Variants in SMAP1 observed in about 807,000 individuals in gnomAD.
The protein encoded by SMAP1 is stromal membrane-associated protein 1.
In SMAP1, 24 loss-of-function variants were observed where a neutral mutation model predicts 58.5. The ratio of observed to expected loss-of-function variants is 0.41; its 90% CI spans 0.30 to 0.58. The LOEUF (loss-of-function observed/expected upper bound fraction) is 0.58. SMAP1 is among the 20% of genes least tolerant of loss of function. The pLI is 0.29. For synonymous variants in SMAP1, 216 were observed against 196.6 expected (o/e 1.10, Z -0.82); for missense variants, 563 against 566.3 (o/e 0.99, Z 0.06).
At chr6:70,712,219 T>C (rs1245137164) in intron 1 of SMAP1, among the ~76,000 whole-genome samples, 1 of 152,216 alleles carries the variant, frequency 6.6e-6, no homozygotes, top group Non-Finnish European at 1.5e-5. Context: ...ATTCTGTTAA[T>C]GAGGGGTAAT....
At chr6:70,804,822 A>G (rs893392043) in intron 6 of SMAP1, among the ~76,000 whole-genome samples, 55 of 151,188 alleles carry the variant, frequency 3.6e-4, no homozygotes, top group East Asian at 1.9e-4. Context: ...TTGTATATTG[A>G]CCCCCACTCT....
In SMAP1 at chr6:70,836,154, G is replaced by A. The variant is rs533972473; in HGVS notation, c.577-787G>A. 1.2e-3 allele frequency among the ~76,000 whole-genome samples: 186 copies of A among 152,166 alleles called. 1 individual carries two copies. Among genetic ancestry groups the A allele is most frequent in the Non-Finnish European group, 2.2e-3 (147 of 68,010 alleles). On this transcript the variant is annotated intron_variant, in intron 6 of 10. Transcript: ENST00000370455. ...GGATGTATTAGTCCGTTTTCATGCCGCGGATAAAGACATACCCGAGACTGG... is the reference window on the plus strand; with the variant it reads ...GGATGTATTAGTCCGTTTTCATGCCACGGATAAAGACATACCCGAGACTGG...
In SMAP1 at chr6:70,668,032, G is replaced by A. The variant is rs1043606447; in HGVS notation, c.9G>A (p.Thr3=). 1 of 1,596,634 alleles carries A rather than the reference G, an allele frequency of 6.3e-7. No homozygotes were observed. Among genetic ancestry groups the A allele is most frequent in the Admixed American group, 1.7e-5 (1 of 58,384 alleles). Residue 3 remains threonine (T), a synonymous_variant, in exon 1 of 11, where the codon ACG becomes ACA. Transcript: ENST00000370455. Reference sequence around the variant, plus strand: ...CCCGCCCCGCTGCCGAGATGGCGACGCGCTCCTGTCGGGAGAAGGCTCAGA... The same window carrying A: ...CCCGCCCCGCTGCCGAGATGGCGACACGCTCCTGTCGGGAGAAGGCTCAGA... MA[T]RSCREKAQKL... is the part of the protein sequence containing the mutation.
At chr6:70,702,588 C>T (rs974530558) in intron 1 of SMAP1, among the ~76,000 whole-genome samples, 8 of 151,754 alleles carry the variant, frequency 5.3e-5, no homozygotes, top group African/African-American at 1.9e-4. Flanking sequence ...CACTCCATGC[C>T]TCATGCCTCT....
At chr6:70,817,136 ATAT>A (rs1452228703) in intron 6 of SMAP1, among the ~76,000 whole-genome samples, 2 of 143,412 alleles carry the variant, frequency 1.4e-5, no homozygotes, top group African/African-American at 5.5e-5. Context: ...ATATATATAT[ATAT>A]TTTTTTTTTG....
At chr6:70,848,268 C>G (rs1771063601) in intron 7 of SMAP1, among the ~76,000 whole-genome samples, 1 of 152,098 alleles carries the variant, frequency 6.6e-6, no homozygotes, top group Non-Finnish European at 1.5e-5. Context: ...GAATCCCTCC[C>G]TAAAAACTGA....
At chr6:70,805,156 T>C (rs1769063663) in intron 6 of SMAP1, among the ~76,000 whole-genome samples, 2 of 152,172 alleles carry the variant, frequency 1.3e-5, no homozygotes, top group South Asian at 4.1e-4. Context: ...GTAGATTTGG[T>C]CTTTTCATAT....
chr6:70,791,412 T>G (rs185049212), intron 4 of SMAP1, among the ~76,000 whole-genome samples: 1 of 152,316 alleles, frequency 6.6e-6, no homozygotes, highest in East Asian at 1.9e-4. Flanking sequence ...CCATATACTT[T>G]TGGTATGATC....
chr6:70,789,630 T>C (rs1768253747), intron 4 of SMAP1, among the ~76,000 whole-genome samples: 5 of 147,220 alleles, frequency 3.4e-5, no homozygotes. Context: ...GATGTGCATC[T>C]GTTATCCCAG....
intron 1 of SMAP1, among the ~76,000 whole-genome samples, chr6:70,708,633 C>T (rs1027798911): frequency 1.4e-4 from 21 of 152,116 alleles, no homozygotes; most frequent in African/African-American, 5.1e-4. Flanking sequence ...CTTGTTATCT[C>T]TTGTCTTCTT....
rs1766288236 is a variant in SMAP1, at chr6:70,751,751, A to C, written c.253-3229A>C. 2.0e-5 allele frequency among the ~76,000 whole-genome samples: 3 copies of C among 152,326 alleles called. No individual in the cohort carries two copies. The South Asian group carries it at 6.2e-4, about 32-fold the overall frequency. On this transcript the variant is annotated intron_variant, in intron 2 of 10. Coordinates refer to ENST00000370455, the MANE Select transcript of SMAP1 (RefSeq NM_001044305.3). The stretch of plus-strand genomic sequence containing the variant: ...ATTTAAGTGTTTCAAAATGATGCTA[A>C]GTACTAAGTATTAAAATAGTACTTA...
At chr6:70,825,523 C>A (rs1467223062) in intron 6 of SMAP1, among the ~76,000 whole-genome samples, 2 of 152,032 alleles carry the variant, frequency 1.3e-5, no homozygotes, top group African/African-American at 4.8e-5. Context: ...TATAGCCACT[C>A]CTGTTGGGTT....
intron 4 of SMAP1, among the ~76,000 whole-genome samples, chr6:70,779,731 G>A (rs1402146608): frequency 2.0e-5 from 3 of 152,072 alleles, no homozygotes; most frequent in Admixed American, 2.0e-4. Flanking sequence ...TATTCAATGT[G>A]TTGAATAGAG....
At chr6:70,818,753 A>G (rs1177877238) in intron 6 of SMAP1, among the ~76,000 whole-genome samples, 2 of 152,186 alleles carry the variant, frequency 1.3e-5, no homozygotes, top group Non-Finnish European at 2.9e-5. Flanking sequence ...ATTCACTGCT[A>G]AAGTATGGTC....
At chr6:70,670,931 G>A (rs1015565083) in intron 1 of SMAP1, among the ~76,000 whole-genome samples, 1 of 152,212 alleles carries the variant, frequency 6.6e-6, no homozygotes, top group African/African-American at 2.4e-5. Context: ...TGGCATAGGC[G>A]CCAGTTTCCT....
chr6:70,792,711 A>C (rs575104028), intron 5 of SMAP1, among the ~76,000 whole-genome samples: 55 of 152,254 alleles, frequency 3.6e-4, no homozygotes, highest in Admixed American at 1.2e-3. Context: ...TTGCAAGTAG[A>C]ATGGCATAAC....
At chr6:70,748,935 A>G (rs1330792420) in intron 2 of SMAP1, among the ~76,000 whole-genome samples, 1 of 152,138 alleles carries the variant, frequency 6.6e-6, no homozygotes. Flanking sequence ...ATCCTTACAA[A>G]AATCTTTTGA....
intron 7 of SMAP1, among the ~76,000 whole-genome samples, chr6:70,846,303 C>A (rs1208700806): frequency 6.6e-6 from 1 of 152,120 alleles, no homozygotes; most frequent in South Asian, 2.1e-4. Context: ...GAAAGCATTT[C>A]AATTAATCAT....
intron 1 of SMAP1, among the ~76,000 whole-genome samples, chr6:70,724,500 T>TA (rs1768679477): frequency 6.6e-6 from 1 of 152,174 alleles, no homozygotes. Context: ...CCGGTCAAGA[T>TA]AGGAAATGTT....
Sources: allele counts gnomAD v4.1 joint callset (sites outside exome capture counted in the v4.1 genomes callset), GRCh38; gene constraint gnomAD v4.1.1; transcripts MANE v1.5; gene names NCBI Gene and HGNC (gene_info 2026-07-23, HGNC 2026-07-21).